The following NUTF2 variants were observed in gnomAD, a reference collection of about 807,000 sequenced individuals.
NUTF2 encodes the protein nuclear transport factor 2, also known as placental protein 15.
NUTF2 carries 3 observed loss-of-function variants against 18.5 expected under a neutral mutation model. The observed-to-expected ratio is 0.16, with a 90% CI of 0.07 to 0.42. The LOEUF (loss-of-function observed/expected upper bound fraction) is 0.42. Among genes scored for constraint, NUTF2 ranks in the 10% least tolerant of loss-of-function variants. The probability of loss-of-function intolerance (pLI) is 0.99; values close to 1 mark genes in which losing one functional copy is unlikely to be tolerated. For synonymous variants in NUTF2, 51 were observed against 57.9 expected, an observed-to-expected ratio of 0.88 and a Z score of 0.54; for missense variants, 44 against 160.7, an observed-to-expected ratio of 0.27 and a Z score of 3.93.
At chr16:67,852,466 C>T (rs2057867079) in intron 1 of NUTF2, among the ~76,000 whole-genome samples, 1 of 151,552 alleles carries the variant, frequency 6.6e-6, no homozygotes, top group Non-Finnish European at 1.5e-5. Context: ...AAGCAATTCT[C>T]CTGTGTCAAC....
chr16:67,869,163 C>T (rs1420995059), intron 4 of NUTF2, among the ~76,000 whole-genome samples: 1 of 151,256 alleles, frequency 6.6e-6, no homozygotes, highest in African/African-American at 2.4e-5. Context: ...CAGCTCACTA[C>T]ACTTCTGCCT....
At chr16:67,870,693 G>A (rs539503027) in intron 4 of NUTF2, 107 bp from the exon 5 acceptor site, 2 of 842,976 alleles carry the variant, frequency 2.4e-6, no homozygotes, top group Middle Eastern at 6.9e-4. Flanking sequence ...GTTCAGGACA[G>A]TAGGGCCTGA....
intron 1 of NUTF2, chr16:67,847,270 T>C (rs531796709): frequency 3.9e-5 from 6 of 152,430 alleles, no homozygotes; most frequent in Non-Finnish European, 7.3e-5. Flanking sequence ...CCAGGCCTTT[T>C]TCTCTAGTCA....
chr16:67,870,499 T>G (rs990876575), intron 4 of NUTF2: 6 of 354,782 alleles, frequency 1.7e-5, no homozygotes, highest in Non-Finnish European at 3.1e-5. Context: ...TCTGGAGATA[T>G]GTGCTTGGAG....
At chr16:67,849,252 G>A (rs974858269) in intron 1 of NUTF2, among the ~76,000 whole-genome samples, 3 of 152,212 alleles carry the variant, frequency 2.0e-5, no homozygotes, top group African/African-American at 7.2e-5. Flanking sequence ...GTCTGCGTGG[G>A]TACTTTCTAG....
intron 1 of NUTF2, among the ~76,000 whole-genome samples, chr16:67,858,874 CTTTT>C (rs1207363589): frequency 1.4e-5 from 2 of 140,280 alleles, no homozygotes; most frequent in African/African-American, 2.6e-5. Flanking sequence ...CTTCAGGACA[CTTTT>C]TTTTTTTTTT....
intron 1 of NUTF2, among the ~76,000 whole-genome samples, chr16:67,864,010 GT>G (rs2057951812): frequency 6.6e-6 from 1 of 152,150 alleles, no homozygotes; most frequent in Non-Finnish European, 1.5e-5. Flanking sequence ...GGGATGACAC[GT>G]TTCCCTTCAC....
Position 67,868,609 on chromosome 16 carries a change from C to T in NUTF2, c.270+10C>T. 1 of 1,612,050 alleles carries T rather than the reference C, an allele frequency of 6.2e-7. No individual in the cohort carries two copies. The highest frequency in any genetic ancestry group is 8.5e-7 in the Non-Finnish European group (1 of 1,178,614). ...TGTGGGCCAGCTTAAGGTAATGGTA[C>T]TGCCACAGTGGTAGGGAGGGGTGGG... On this transcript the variant is annotated intron_variant, in intron 4 of 4. Coordinates refer to ENST00000219169, the MANE Select transcript of NUTF2 (RefSeq NM_005796.3).
rs369147918 is a variant in NUTF2, at chr16:67,853,927, A to G, written c.-30+6942A>G. 5.9e-5 allele frequency among the ~76,000 whole-genome samples: 9 copies of G among 152,162 alleles called. No individual in the cohort carries two copies. The East Asian group carries it at 1.4e-3, about 23-fold the overall frequency. On this transcript the variant is annotated intron_variant, in intron 1 of 4. Coordinates refer to ENST00000219169, the MANE Select transcript of NUTF2 (RefSeq NM_005796.3). ...CCTCCCAAGTACTGGGATTATAGGG[A>G]ACAGCCACCACGCCTGGCCTGTTGT... is the stretch of plus-strand genomic sequence containing the variant.
At chr16:67,858,874 C>CTT (rs1207363589) in intron 1 of NUTF2, among the ~76,000 whole-genome samples, 5 of 140,272 alleles carry the variant, frequency 3.6e-5, no homozygotes, top group African/African-American at 5.2e-5. Context: ...CTTCAGGACA[C>CTT]TTTTTTTTTT....
chr16:67,853,863 T>A (rs923547733), intron 1 of NUTF2, among the ~76,000 whole-genome samples: 1 of 151,982 alleles, frequency 6.6e-6, no homozygotes, highest in African/African-American at 2.4e-5. Flanking sequence ...CCCAGGCTGG[T>A]CTCAGAACTC....
chr16:67,848,122 G>A (rs1260782311), intron 1 of NUTF2, among the ~76,000 whole-genome samples: 1 of 152,196 alleles, frequency 6.6e-6, no homozygotes, highest in Non-Finnish European at 1.5e-5. Context: ...AGTTCTGGGG[G>A]AAGAGTTATC....
At chr16:67,867,792 A>T (rs897646171) in intron 2 of NUTF2, among the ~76,000 whole-genome samples, 1 of 152,134 alleles carries the variant, frequency 6.6e-6, no homozygotes, top group Non-Finnish European at 1.5e-5. Context: ...GGTTCAAGCA[A>T]TTCTCCTGCC....
intron 1 of NUTF2, among the ~76,000 whole-genome samples, chr16:67,852,485 T>TG (rs2057867336): frequency 4.6e-5 from 7 of 151,400 alleles, no homozygotes; most frequent in African/African-American, 1.7e-4. Flanking sequence ...ACCTTCCGAG[T>TG]GGCTGGGATT....
chr16:67,849,783 C>T (rs972786325), intron 1 of NUTF2, among the ~76,000 whole-genome samples: 5 of 152,212 alleles, frequency 3.3e-5, no homozygotes, highest in Admixed American at 6.5e-5. Flanking sequence ...CTCAGCCTCC[C>T]GAGTAGCTGG....
intron 1 of NUTF2, chr16:67,847,929 G>A (rs902074102): frequency 6.6e-6 from 1 of 152,230 alleles, no homozygotes; most frequent in East Asian, 1.9e-4. Flanking sequence ...GGGGCACGTA[G>A]ATTTCAGACT....
At chr16:67,866,899 T>C (rs1370246789) in intron 2 of NUTF2, among the ~76,000 whole-genome samples, 1 of 150,158 alleles carries the variant, frequency 6.7e-6, no homozygotes, top group Non-Finnish European at 1.5e-5. Flanking sequence ...TGAGTTACCA[T>C]GCCCAGCATA....
rs779974192 is a variant in NUTF2, at chr16:67,868,485, ACT to A, written c.172-7_172-6del. The A allele has an allele frequency of 1.7e-4, 275 of 1,613,146 alleles. No individual in the cohort carries two copies. The Middle Eastern group carries it at 1.8e-3, about 11-fold the overall frequency. ...TCTGGCCTTGGTTCTCCCACCTCCC[ACT>A]CTCTCTCTTGTAGAGCCTTCCGTTC... On this transcript the variant is annotated splice_polypyrimidine_tract_variant and intron_variant, in intron 3 of 4. Transcript: ENST00000219169.
intron 1 of NUTF2, among the ~76,000 whole-genome samples, chr16:67,860,990 T>G (rs913576925): frequency 2.0e-5 from 3 of 152,248 alleles, no homozygotes; most frequent in Middle Eastern, 3.2e-3. Context: ...GGCCTTTGTT[T>G]GGAGGTGGAA....
Sources: gnomAD v4.1 joint callset for allele counts (sites outside exome capture counted in the v4.1 genomes callset) on GRCh38, gnomAD v4.1.1 for gene constraint, MANE v1.5 for transcripts, NCBI Gene and HGNC (gene_info 2026-07-23, HGNC 2026-07-21) for gene names.